The following KLHL1 variants were observed in gnomAD, a reference collection of about 807,000 sequenced individuals.
The protein encoded by KLHL1 is kelch-like protein 1.
In KLHL1, 47 loss-of-function variants were observed where a neutral mutation model predicts 77.7. That is an observed-to-expected ratio of 0.60 (90% CI 0.48 to 0.77). The LOEUF is 0.77. KLHL1 is among the 30% of genes least tolerant of loss of function. The pLI is 0.00. For synonymous variants in KLHL1, 360 were observed against 325.2 expected (o/e 1.11, Z -1.15); for missense variants, 925 against 910.8 (o/e 1.02, Z -0.20).
At chr13:70,089,046 T>G (rs1887614064) in intron 1 of KLHL1, among the ~76,000 whole-genome samples, 1 of 152,184 alleles carries the variant, frequency 6.6e-6, no homozygotes. Context: ...TACTAGCCAG[T>G]GACTAACTAT....
chr13:69,775,010 T>A (rs1875756372), intron 7 of KLHL1, among the ~76,000 whole-genome samples: 1 of 152,214 alleles, frequency 6.6e-6, no homozygotes, highest in Admixed American at 6.5e-5. Flanking sequence ...CAAACTTTAA[T>A]CTGTATTAAA....
chr13:69,920,843 T>C (rs1395955756), intron 4 of KLHL1, among the ~76,000 whole-genome samples: 1 of 152,172 alleles, frequency 6.6e-6, no homozygotes, highest in African/African-American at 2.4e-5. Flanking sequence ...ACATTAATTC[T>C]CCTCTGTATG....
intron 1 of KLHL1, among the ~76,000 whole-genome samples, chr13:70,079,543 T>C (rs1887344745): frequency 6.6e-6 from 1 of 152,230 alleles, no homozygotes; most frequent in African/African-American, 2.4e-5. Flanking sequence ...CCTTTTCTTT[T>C]AGTTTCATCA....
At position 69,866,033 on chromosome 13, in the gene KLHL1, T is replaced by C. The variant is rs147314978; in HGVS notation, c.1227+16250A>G. On this transcript the variant is annotated intron_variant, in intron 5 of 10. Coordinates refer to ENST00000377844, the MANE Select transcript of KLHL1 (RefSeq NM_020866.3). ...TTATTTTTATAATAGATGAATAGTA[T>C]AAGTGACTACTCATTGAAACAAGAG... 2.0e-3 allele frequency among the ~76,000 whole-genome samples: 300 copies of C among 152,266 alleles called. 2 individuals are homozygous for C. The highest frequency in any genetic ancestry group is 6.8e-3 in the African/African-American group (283 of 41,570).
Position 69,760,231 on chromosome 13 carries a change from A to G in KLHL1, c.1640-19675T>C, listed in dbSNP as rs544866200. Among the ~76,000 whole-genome samples, 5 of 152,272 alleles carry G rather than the reference A, an allele frequency of 3.3e-5. No individual in the cohort carries two copies. The South Asian group carries it at 1.0e-3, about 32-fold the overall frequency. Reference sequence around the variant, plus strand: ...TGCCTAGACTCAGTATGGATAACTGAAAAAGAAACCAGGGATTGAGAGCCT... The same window carrying G: ...TGCCTAGACTCAGTATGGATAACTGGAAAAGAAACCAGGGATTGAGAGCCT... On this transcript the variant is annotated intron_variant, in intron 7 of 10. Coordinates refer to ENST00000377844, the MANE Select transcript of KLHL1 (RefSeq NM_020866.3).
intron 1 of KLHL1, among the ~76,000 whole-genome samples, chr13:70,061,124 C>A (rs1886871793): frequency 6.6e-6 from 1 of 152,052 alleles, no homozygotes; most frequent in Admixed American, 6.6e-5. Context: ...TCTCCATCCC[C>A]ACCTCTATGG....
At chr13:69,802,496 A>G (rs1877428032) in intron 6 of KLHL1, among the ~76,000 whole-genome samples, 1 of 152,110 alleles carries the variant, frequency 6.6e-6, no homozygotes, top group Admixed American at 6.6e-5. Context: ...AGTAAAAACT[A>G]AAAGGCAGAA....
chr13:69,788,466 A>T (rs1404522090), intron 7 of KLHL1, among the ~76,000 whole-genome samples: 13 of 152,058 alleles, frequency 8.5e-5, no homozygotes, highest in Non-Finnish European at 1.9e-4. Flanking sequence ...AACAATGAGA[A>T]CACATGGACA....
chr13:70,029,390 G>A (rs1482635102), intron 1 of KLHL1, among the ~76,000 whole-genome samples: 2 of 152,176 alleles, frequency 1.3e-5, no homozygotes, highest in African/African-American at 4.8e-5. Flanking sequence ...TGAAGGTGAA[G>A]CCTGATATTT....
intron 6 of KLHL1, among the ~76,000 whole-genome samples, chr13:69,831,005 C>G (rs960114434): frequency 6.7e-6 from 1 of 148,354 alleles, no homozygotes; most frequent in Non-Finnish European, 1.5e-5. Context: ...GTCTAAAGAG[C>G]ACAAACAGAC....
chr13:70,063,234 G>C (rs1445250277), intron 1 of KLHL1, among the ~76,000 whole-genome samples: 1 of 152,058 alleles, frequency 6.6e-6, no homozygotes, highest in African/African-American at 2.4e-5. Context: ...AGATACAAGT[G>C]TTTTCCATAT....
At chr13:70,010,892 CA>C (rs925514287) in intron 1 of KLHL1, among the ~76,000 whole-genome samples, 2 of 122,664 alleles carry the variant, frequency 1.6e-5, no homozygotes, top group Admixed American at 8.6e-5. Context: ...AACTCCGTCT[CA>C]AAAAAAAATA....
At chr13:69,748,473 GAAC>G (rs1251884481) in intron 7 of KLHL1, among the ~76,000 whole-genome samples, 1 of 151,910 alleles carries the variant, frequency 6.6e-6, no homozygotes, top group East Asian at 1.9e-4. Flanking sequence ...ACTACCATGA[GAAC>G]AACATGGGGG....
At chr13:69,935,284 G>GTTCACCCACTGGTGAACTTGGTA (rs1376755738) in intron 4 of KLHL1, among the ~76,000 whole-genome samples, 5 of 151,698 alleles carry the variant, frequency 3.3e-5, no homozygotes, top group African/African-American at 1.2e-4. Context: ...TTGGTACATA[G>GTTCACCCACTGGTGAACTTGGTA]CAGTCAATAG....
chr13:69,726,016 TC>T (rs1367432159), intron 8 of KLHL1, among the ~76,000 whole-genome samples: 1 of 152,184 alleles, frequency 6.6e-6, no homozygotes, highest in East Asian at 1.9e-4. Flanking sequence ...TCTTTTCTGA[TC>T]CCATTTTGTC....
intron 7 of KLHL1, among the ~76,000 whole-genome samples, chr13:69,762,246 A>T (rs1875062792): frequency 6.6e-6 from 1 of 152,186 alleles, no homozygotes; most frequent in Non-Finnish European, 1.5e-5. Flanking sequence ...AACTGAATTA[A>T]CTGAATTTTC....
At chr13:69,962,632 T>A in intron 2 of KLHL1, among the ~76,000 whole-genome samples, 1 of 152,078 alleles carries the variant, frequency 6.6e-6, no homozygotes, top group East Asian at 1.9e-4. Flanking sequence ...TTGCAAACAA[T>A]TTTTATATTT....
chr13:69,764,170 T>C (rs1209970878), intron 7 of KLHL1, among the ~76,000 whole-genome samples: 1 of 152,206 alleles, frequency 6.6e-6, no homozygotes, highest in African/African-American at 2.4e-5. Flanking sequence ...GATTTCTTTA[T>C]TCATAGTGAA....
intron 1 of KLHL1, among the ~76,000 whole-genome samples, chr13:70,008,000 T>C (rs1885445293): frequency 6.6e-6 from 1 of 151,996 alleles, no homozygotes; most frequent in Admixed American, 6.6e-5. Flanking sequence ...TATTGAAAAT[T>C]AATGTAGTAT....
Sources: gnomAD v4.1 joint callset for allele counts (sites outside exome capture counted in the v4.1 genomes callset) on GRCh38, gnomAD v4.1.1 for gene constraint, MANE v1.5 for transcripts, NCBI Gene and HGNC (gene_info 2026-07-23, HGNC 2026-07-21) for gene names.